The following KIFC2 variants were observed in gnomAD, a reference collection of about 807,000 sequenced individuals.
The protein encoded by KIFC2 is kinesin family member C2.
A neutral mutation model predicts 91.5 loss-of-function variants in KIFC2; 94 were observed. The observed-to-expected ratio is 1.03, with a 90% CI of 0.87 to 1.22. KIFC2 has a LOEUF of 1.22. KIFC2 is among the 50% of genes most tolerant of loss of function. The pLI is 0.00. For missense variants in KIFC2, 1,357 were observed against 1,103.3 expected (o/e 1.23, Z -3.26); for synonymous variants, 729 against 503.9 (o/e 1.45, Z -5.98).
At position 144,468,403 on chromosome 8, in the gene KIFC2, C is replaced by G. The variant is rs763812159; in HGVS notation, c.885C>G (p.Ala295=). 26 of 1,612,378 alleles carry G rather than the reference C, an allele frequency of 1.6e-5. No individual in the cohort carries two copies. Among genetic ancestry groups the G allele is most frequent in the Non-Finnish European group, 2.1e-5 (25 of 1,179,766 alleles). ...AAGACACCACAGAAGCCCTCCGAGC[C>G]CAGGTGGGCATGGGGCCCAGGGATC... ...EAQDTTEALR[A]QLGVQEVQLQ... Residue 295 remains alanine (A), a synonymous_variant, in exon 8 of 18, where the codon GCC becomes GCG. Coordinates refer to ENST00000645548, the MANE Select transcript of KIFC2 (RefSeq NM_001369769.2).
Position 144,468,559 on chromosome 8 carries a change from G to T in KIFC2, c.912G>T (p.Leu304=), listed in dbSNP as rs1824788457. Reference sequence around the variant, plus strand: ...AGCTGGGGGTGCAGGAGGTGCAGCTGCAGGGCCTTCAAGGGGCCCTCCAGC... The same window carrying T: ...AGCTGGGGGTGCAGGAGGTGCAGCTTCAGGGCCTTCAAGGGGCCCTCCAGC... The part of the protein sequence containing the change: ...RAQLGVQEVQ[L]QGLQGALQQL... The change falls in exon 9 of 18, where the codon CTG becomes CTT. Residue 304 remains leucine (L), a synonymous_variant. Coordinates refer to ENST00000645548, the MANE Select transcript of KIFC2 (RefSeq NM_001369769.2). The T allele has an allele frequency of 6.3e-7, 1 of 1,596,516 alleles. No homozygotes were observed. The highest frequency in any genetic ancestry group is 8.5e-7 in the Non-Finnish European group (1 of 1,171,902).
In KIFC2 at chr8:144,472,669, GCGCGCGGCGTCT is replaced by G. The variant is rs778151519; in HGVS notation, c.1826_1837del (p.Arg609_Ser612del). The G allele has an allele frequency of 4.4e-6, 7 of 1,596,854 alleles. No individual in the cohort carries two copies. Among genetic ancestry groups the G allele is most frequent in the Non-Finnish European group, 5.9e-6 (7 of 1,178,448 alleles). The stretch of plus-strand genomic sequence containing the variant: ...CGCATGCCCTGGTCACGCTGACGCT[GCGCGCGGCGTCT>G]CCACCGCGCGCTCCAGGCACCGCAG... On this transcript the variant is annotated inframe_deletion, in exon 16 of 18. Transcript: ENST00000645548.
At position 144,473,083 on chromosome 8, in the gene KIFC2, GC is replaced by G. The variant is rs1250566133; in HGVS notation, c.2118+34del. On this transcript the variant is annotated intron_variant, in intron 17 of 17. Transcript: ENST00000645548. The stretch of plus-strand genomic sequence containing the variant: ...GCCGGGGCGGGGCAGGTGTGTGCGT[GC>G]CGGTCGCCGCCCACCCGGGCCCGCC... 3 of 1,525,528 alleles carry G rather than the reference GC, an allele frequency of 2.0e-6. No homozygotes were observed. In the South Asian group the frequency reaches 3.7e-5, roughly 19 times the overall value. The allele number at this position is 1,525,528 out of a possible 1,614,324, so 94.5% of individuals were successfully genotyped here. A position where few individuals can be genotyped will look rare whatever the true frequency, so the allele number is the denominator to read the frequency against.
At position 144,469,275 on chromosome 8, in the gene KIFC2, C is replaced by T. The variant is rs755675099; in HGVS notation, c.1118C>T (p.Ser373Phe). The T allele has an allele frequency of 1.4e-5, 23 of 1,593,956 alleles. No individual in the cohort carries two copies. The highest frequency in any genetic ancestry group is 6.8e-5 in the South Asian group (6 of 87,918). The change falls in exon 11 of 18, where the codon TCC (serine) becomes TTC (phenylalanine). Residue 373 changes from serine (S) to phenylalanine (F), a missense_variant. By Grantham distance (155) the Ser-to-Phe change is radical (BLOSUM62 -2). Transcript: ENST00000645548. Reference protein sequence around the residue: ...GSLSEARGQVSWALGALSSGG... With the variant: ...GSLSEARGQVFWALGALSSGG... ...TGTACATCCCTGTTCCCTCAGGTGTCCTGGGCCTTGGGGGCACTGTCATCT... is the reference window on the plus strand; with the variant it reads ...TGTACATCCCTGTTCCCTCAGGTGTTCTGGGCCTTGGGGGCACTGTCATCT...
rs200899689 is a variant in KIFC2 at position 144,472,313 on chromosome 8, C to T, written c.1608-48C>T. ...CCCCACCCCTGGCCCAGGGCCCTTC[C>T]GGATTTCCAGAGAATTCTGGAACCA... On this transcript the variant is annotated intron_variant, in intron 14 of 17. Coordinates refer to ENST00000645548, the MANE Select transcript of KIFC2 (RefSeq NM_001369769.2). 1.3e-4 allele frequency: 211 copies of T among 1,613,434 alleles called. No homozygotes were observed. In the African/African-American group the frequency reaches 2.4e-3, roughly 19 times the overall value.
Position 144,467,054 on chromosome 8 carries a change from C to G in KIFC2, c.274C>G (p.Leu92Val), listed in dbSNP as rs1179635474. 2 of 1,595,108 alleles carry G rather than the reference C, an allele frequency of 1.3e-6. No individual in the cohort carries two copies. The highest frequency in any genetic ancestry group is 1.3e-5 in the African/African-American group (1 of 74,602). The change falls in exon 3 of 18, where the codon CTC (leucine) becomes GTC (valine). Residue 92 changes from leucine (L) to valine (V), a missense_variant. Coordinates refer to ENST00000645548, the MANE Select transcript of KIFC2 (RefSeq NM_001369769.2). Reference protein sequence around the residue: ...EEALLRLAEFLSVQLGAEESC... With the variant: ...EEALLRLAEFVSVQLGAEESC... ...GGCCCTACTGCGCCTCGCCGAGTTC[C>G]TCTCCGTCCAGCTGGGGGCGGAAGA... is the stretch of plus-strand genomic sequence containing the variant.
Position 144,468,388 on chromosome 8 carries a change from A to C in KIFC2, c.870A>C (p.Thr290=). ...QGRLQEAQDT[T]EALRAQLGVQ... ...GGCTTCAGGAGGCCCAAGACACCAC[A>C]GAAGCCCTCCGAGCCCAGGTGGGCA... Residue 290 remains threonine, a synonymous_variant, in exon 8 of 18, where the codon ACA becomes ACC. Transcript: ENST00000645548. 1 of 1,612,930 alleles carries C rather than the reference A, an allele frequency of 6.2e-7. No homozygotes were observed. The highest frequency in any genetic ancestry group is 8.5e-7 in the Non-Finnish European group (1 of 1,179,886).
In KIFC2 at chr8:144,467,923, G is replaced by A. The variant is rs375300867; in HGVS notation, c.746G>A (p.Ser249Asn). 8 of 1,610,902 alleles carry A rather than the reference G, an allele frequency of 5.0e-6. No individual in the cohort carries two copies. The highest frequency in any genetic ancestry group is 1.3e-5 in the African/African-American group (1 of 74,754). Reference sequence around the variant, plus strand: ...CTGGAGAACGAGGCCCTGAAGCAGAGCCTGAGTCTCATGCGGGACCTCCTG... The same window carrying A: ...CTGGAGAACGAGGCCCTGAAGCAGAACCTGAGTCTCATGCGGGACCTCCTG... ...LTLENEALKQSLSLMRDLLLH... is the reference protein window; with the variant it reads ...LTLENEALKQNLSLMRDLLLH... The change falls in exon 7 of 18, where the codon AGC becomes AAC. Residue 249 changes from serine to asparagine, a missense_variant. Coordinates refer to ENST00000645548, the MANE Select transcript of KIFC2 (RefSeq NM_001369769.2).
In KIFC2 at chr8:144,467,207, G is replaced by C. The variant is rs1245207085; in HGVS notation, c.335G>C (p.Gly112Ala). 6.2e-7 allele frequency: 1 copy of C among 1,613,594 alleles called. No individual in the cohort carries two copies. The highest frequency in any genetic ancestry group is 2.2e-5 in the East Asian group (1 of 44,882). ...GGATTCTTGTCTCCTTCGCAGTCTG[G>C]CGAGGTCCCCTCACTGTTGACAGTG... ...CGGPADLGQS[G>A]EVPSLLTVTS... The change falls in exon 4 of 18, where the codon GGC becomes GCC. Residue 112 changes from glycine to alanine, a missense_variant. Gly to Ala is a moderately conservative substitution (Grantham distance 60, BLOSUM62 0). Transcript: ENST00000645548.
In KIFC2 at chr8:144,466,804, G is replaced by A. The variant is rs747577240; in HGVS notation, c.144G>A (p.Ala48=). The change falls in exon 2 of 18, where the codon GCG becomes GCA. Residue 48 remains alanine, a synonymous_variant. Transcript: ENST00000645548. ...GTCGCCGGCGCCCAGACCTGCCCGC[G>A]CCAGAGCTGTGGACCGAGCTGACCG... ...PRGRRRPDLP[A]PELWTELTGL... 1.3e-6 allele frequency: 2 copies of A among 1,537,314 alleles called. No homozygotes were observed. Among genetic ancestry groups the A allele is most frequent in the African/African-American group, 2.7e-5 (2 of 72,992 alleles).
At chr8:144,468,042 G>C in intron 7 of KIFC2, 55 bp downstream of exon 7, 1 of 1,482,114 alleles carries the variant, frequency 6.7e-7, no homozygotes, top group South Asian at 1.4e-5. Flanking sequence ...TTGCACACCT[G>C]GCATGCAGCC....
At position 144,473,150 on chromosome 8, in the gene KIFC2, G is replaced by T; in HGVS notation, c.2137G>T (p.Asp713Tyr). 1.3e-6 allele frequency: 2 copies of T among 1,567,828 alleles called. No homozygotes were observed. The highest frequency in any genetic ancestry group is 2.3e-5 in the South Asian group (2 of 85,318). Residue 713 changes from aspartate to tyrosine, a missense_variant, in exon 18 of 18, where the codon GAT becomes TAT. Coordinates refer to ENST00000645548, the MANE Select transcript of KIFC2 (RefSeq NM_001369769.2). The stretch of plus-strand genomic sequence containing the variant: ...CCCGCAGATCTCCACGCGGCCGGAG[G>T]ATCTCGGGGAGACAGTCTGCTCCCT... The part of the protein sequence containing the change: ...LLLQISTRPE[D>Y]LGETVCSLKF...
chr8:144,467,398 ACCTGGGCGG>A (rs1586718819), intron 4 of KIFC2, 57 bp downstream of exon 4: 2 of 1,547,894 alleles, frequency 1.3e-6, no homozygotes, highest in East Asian at 4.5e-5. Flanking sequence ...TCCCGGTAGA[ACCTGGGCGG>A]CCTGGAGTTC....
At position 144,472,118 on chromosome 8, in the gene KIFC2, G is replaced by A. The variant is rs1416791649; in HGVS notation, c.1486-20G>A. On this transcript the variant is annotated intron_variant, in intron 13 of 17. Transcript: ENST00000645548. ...CATGACTTGGATGTGAGCCCGGTGT[G>A]CACCCCACCCCATCCTCAGGGCCCT... is the stretch of plus-strand genomic sequence containing the variant. 1 of 1,612,942 alleles carries A rather than the reference G, an allele frequency of 6.2e-7. No homozygotes were observed. The highest frequency in any genetic ancestry group is 1.7e-5 in the Admixed American group (1 of 60,014).
rs764402856 is a variant in KIFC2, at chr8:144,466,408, C to G, written c.-12C>G. ...CGGCGCGAAGCGGGGCCCTCTGCCGCCCCGCGCTCCCATGTACGCCTTTTA... is the reference window on the plus strand; with the variant it reads ...CGGCGCGAAGCGGGGCCCTCTGCCGGCCCGCGCTCCCATGTACGCCTTTTA... On this transcript the variant is annotated 5_prime_UTR_variant, in exon 1 of 18. Transcript: ENST00000645548. 1.6e-6 allele frequency: 2 copies of G among 1,257,334 alleles called. No individual in the cohort carries two copies. Among genetic ancestry groups the G allele is most frequent in the Non-Finnish European group, 1.0e-6 (1 of 973,682 alleles). The allele number at this position is 1,257,334 out of a possible 1,614,324, so 77.9% of individuals were successfully genotyped here.
chr8:144,472,682 C>G lies in KIFC2; in HGVS notation c.1837C>G (p.Pro613Ala), dbSNP rs757007735. 6.3e-7 allele frequency: 1 copy of G among 1,595,610 alleles called. No homozygotes were observed. Among genetic ancestry groups the G allele is most frequent in the South Asian group, 1.1e-5 (1 of 90,884 alleles). Reference sequence around the variant, plus strand: ...CACGCTGACGCTGCGCGCGGCGTCTCCACCGCGCGCTCCAGGCACCGCAGG... The same window carrying G: ...CACGCTGACGCTGCGCGCGGCGTCTGCACCGCGCGCTCCAGGCACCGCAGG... ...LVTLTLRAAS[P>A]PRAPGTAGTL... The change falls in exon 16 of 18, where the codon CCA (proline) becomes GCA (alanine). Residue 613 changes from proline to alanine, a missense_variant. Physicochemically the swap from Pro to Ala is conservative, Grantham distance 27. Coordinates refer to ENST00000645548, the MANE Select transcript of KIFC2 (RefSeq NM_001369769.2).
chr8:144,469,908 C>T (rs1824860223), intron 12 of KIFC2, among the ~76,000 whole-genome samples: 1 of 152,250 alleles, frequency 6.6e-6, no homozygotes, highest in African/African-American at 2.4e-5. Context: ...GAGGGCCCCT[C>T]ATTGCTTTAT....
intron 12 of KIFC2, among the ~76,000 whole-genome samples, chr8:144,471,693 G>A (rs1456545912): frequency 6.6e-6 from 1 of 152,168 alleles, no homozygotes; most frequent in African/African-American, 2.4e-5. Flanking sequence ...CAGAGCCTCT[G>A]CATAGGCTGT....
At position 144,468,596 on chromosome 8, in the gene KIFC2, G is replaced by A. The variant is rs556490416; in HGVS notation, c.949G>A (p.Glu317Lys). The A allele has an allele frequency of 6.2e-7, 1 of 1,612,542 alleles. No individual in the cohort carries two copies. The highest frequency in any genetic ancestry group is 2.2e-5 in the East Asian group (1 of 44,846). Residue 317 changes from glutamate to lysine, a missense_variant, in exon 9 of 18, where the codon GAG becomes AAG. Physicochemically the swap from Glu to Lys is moderately conservative, Grantham distance 56. Transcript: ENST00000645548. ...AGGGGCCCTCCAGCAGCTCCAGCAG[G>A]AGACGGAGCAGAACTGCAGGCGTGA... is the stretch of plus-strand genomic sequence containing the variant. The part of the protein sequence containing the change: ...LQGALQQLQQ[E>K]TEQNCRRELQ...
Sources: allele counts gnomAD v4.1 joint callset (sites outside exome capture counted in the v4.1 genomes callset), GRCh38; gene constraint gnomAD v4.1.1; transcripts MANE v1.5; gene names NCBI Gene and HGNC (gene_info 2026-07-23, HGNC 2026-07-21).